Variants in FREM2 observed in about 807,000 individuals in gnomAD.
The protein encoded by FREM2 is FRAS1 related extracellular matrix 2.
In FREM2, 119 loss-of-function variants were observed where a neutral mutation model predicts 219.9. The ratio of observed to expected loss-of-function variants is 0.54; its 90% CI spans 0.47 to 0.63. The LOEUF (loss-of-function observed/expected upper bound fraction) is 0.63, where lower values mean the gene tolerates loss of function less well. Ranked by LOEUF, FREM2 falls within the 30% of genes least tolerant of loss-of-function variation. The pLI, the probability that FREM2 is intolerant of heterozygous loss-of-function variation, is 0.00. For missense variants in FREM2, 4,030 were observed against 3,993.6 expected, an observed-to-expected ratio of 1.01 and a Z score of -0.25; for synonymous variants, 1,562 against 1,522.8, an observed-to-expected ratio of 1.03 and a Z score of -0.60.
At position 38,808,169 on chromosome 13, in the gene FREM2, C is replaced by A. The variant is rs144545300; in HGVS notation, c.6019+23361C>A. On this transcript the variant is annotated intron_variant, in intron 6 of 23. Coordinates refer to ENST00000280481, the MANE Select transcript of FREM2 (RefSeq NM_207361.6). Reference sequence around the variant, plus strand: ...GAACCTCTGTTAGCTCCCAACTTTTCTTCTGAAGCTTCCTCGCCCCTCTCA... The same window carrying A: ...GAACCTCTGTTAGCTCCCAACTTTTATTCTGAAGCTTCCTCGCCCCTCTCA... 1.2e-3 allele frequency among the ~76,000 whole-genome samples: 189 copies of A among 152,092 alleles called. 1 individual carries two copies. Among genetic ancestry groups the A allele is most frequent in the African/African-American group, 4.2e-3 (175 of 41,554 alleles).
intron 5 of FREM2, 41 bp from the exon 6 acceptor site, chr13:38,784,516 A>G (rs1481970188): frequency 6.8e-6 from 11 of 1,609,900 alleles, no homozygotes; most frequent in Non-Finnish European, 8.5e-6. Context: ...TCTTTGTCTT[A>G]TGTTCTACAT....
chr13:38,744,377 A>G (rs955658465), intron 2 of FREM2, among the ~76,000 whole-genome samples: 1 of 151,348 alleles, frequency 6.6e-6, no homozygotes, highest in Non-Finnish European at 1.5e-5. Context: ...CACCCAGTTA[A>G]TTTTTTTGTA....
intron 3 of FREM2, among the ~76,000 whole-genome samples, chr13:38,768,569 G>A (rs1329039024): frequency 1.3e-5 from 2 of 152,112 alleles, no homozygotes; most frequent in Admixed American, 1.3e-4. Flanking sequence ...GAGCCACCAT[G>A]CCCAGCCTTA....
intron 2 of FREM2, among the ~76,000 whole-genome samples, chr13:38,719,251 G>A (rs573752691): frequency 2.6e-4 from 39 of 152,036 alleles, no homozygotes; most frequent in African/African-American, 7.0e-4. Flanking sequence ...ATGGAGTTTC[G>A]CTCTTGTTGC....
At chr13:38,767,011 A>G (rs1327080710) in intron 3 of FREM2, among the ~76,000 whole-genome samples, 2 of 152,238 alleles carry the variant, frequency 1.3e-5, no homozygotes, top group Non-Finnish European at 2.9e-5. Flanking sequence ...CTCCATGAGA[A>G]GAGTACCATG....
intron 15 of FREM2, among the ~76,000 whole-genome samples, chr13:38,863,629 G>T (rs574903117): frequency 6.6e-6 from 1 of 152,116 alleles, no homozygotes; most frequent in Non-Finnish European, 1.5e-5. Context: ...AAGATAACTG[G>T]ATTCTCTGCT....
intron 6 of FREM2, among the ~76,000 whole-genome samples, chr13:38,812,275 G>C (rs1426960082): frequency 6.6e-6 from 1 of 151,894 alleles, no homozygotes; most frequent in Non-Finnish European, 1.5e-5. Context: ...TTTATTGGAG[G>C]GTTTGGTCCA....
chr13:38,752,630 T>G (rs2137795871), intron 2 of FREM2, among the ~76,000 whole-genome samples: 1 of 152,364 alleles, frequency 6.6e-6, no homozygotes, highest in Middle Eastern at 3.4e-3. Flanking sequence ...TCTTATTAAC[T>G]GTCAGATGAA....
Position 38,689,165 on chromosome 13 carries a change from G to A in FREM2, c.1821G>A (p.Thr607=), listed in dbSNP as rs763026321. Residue 607 remains threonine, a synonymous_variant, in exon 1 of 24, where the codon ACG becomes ACA. Transcript: ENST00000280481. ...LFVLESPFLT[T]GHLLLRQTHP... Reference sequence around the variant, plus strand: ...TGCTGGAGTCACCCTTCTTAACTACGGGGCATCTGCTTCTCCGCCAAACTC... The same window carrying A: ...TGCTGGAGTCACCCTTCTTAACTACAGGGCATCTGCTTCTCCGCCAAACTC... 9 of 1,613,890 alleles carry A rather than the reference G, an allele frequency of 5.6e-6. No homozygotes were observed. The highest frequency in any genetic ancestry group is 5.5e-5 in the South Asian group (5 of 91,074).
chr13:38,752,404 A>T (rs946411360), intron 2 of FREM2, among the ~76,000 whole-genome samples: 11 of 152,208 alleles, frequency 7.2e-5, no homozygotes, highest in Non-Finnish European at 1.6e-4. Context: ...TTTAGATTTT[A>T]AAAACAATAA....
chr13:38,859,371 CG>C lies in FREM2; in HGVS notation c.7302del (p.Trp2435GlyfsTer2). On this transcript the variant is annotated frameshift_variant, in exon 14 of 24. Coordinates refer to ENST00000280481, the MANE Select transcript of FREM2 (RefSeq NM_207361.6). LOFTEE classifies it high-confidence loss of function. ...ENINDTLTRYRWLISAPAGPD... is the reference protein window; with the variant it reads ...ENINDTLTRYXWLISAPAGPD... ...CATCAATGACACTTTGACGCGGTAC[CG>C]GTGGCTGATTAGTGCACCTGCGGGC... The C allele has an allele frequency of 6.2e-7, 1 of 1,614,162 alleles. No individual in the cohort carries two copies. The highest frequency in any genetic ancestry group is 8.5e-7 in the Non-Finnish European group (1 of 1,180,002).
intron 6 of FREM2, among the ~76,000 whole-genome samples, chr13:38,799,269 G>A (rs2137848171): frequency 6.6e-6 from 1 of 151,710 alleles, no homozygotes; most frequent in South Asian, 2.1e-4. Flanking sequence ...ATTTGTATAG[G>A]TTCCAAAGTC....
At chr13:38,863,233 A>C (rs937164014) in intron 15 of FREM2, among the ~76,000 whole-genome samples, 1 of 152,042 alleles carries the variant, frequency 6.6e-6, no homozygotes, top group Admixed American at 6.6e-5. Context: ...CATTTTTAGT[A>C]GAGACGGGGT....
chr13:38,728,461 A>G (rs1438091521), intron 2 of FREM2, among the ~76,000 whole-genome samples: 1 of 152,014 alleles, frequency 6.6e-6, no homozygotes, highest in Non-Finnish European at 1.5e-5. Context: ...GCTGGAGTGC[A>G]GTGGTGTGAT....
chr13:38,846,521 T>G (rs1877158575), intron 6 of FREM2, 52 bp from the exon 7 acceptor site: 1 of 1,579,160 alleles, frequency 6.3e-7, no homozygotes, highest in South Asian at 1.1e-5. Context: ...CAATAGAGTT[T>G]GATGTGAAAA....
At chr13:38,754,399 G>T (rs544923185) in intron 2 of FREM2, among the ~76,000 whole-genome samples, 4 of 152,188 alleles carry the variant, frequency 2.6e-5, no homozygotes, top group African/African-American at 9.6e-5. Context: ...AAGCAAATTA[G>T]AATTAAGCTA....
intron 11 of FREM2, among the ~76,000 whole-genome samples, chr13:38,853,859 A>G (rs1387209306): frequency 6.6e-6 from 1 of 152,196 alleles, no homozygotes; most frequent in Admixed American, 6.6e-5. Flanking sequence ...AATATTGATA[A>G]CATGACTTTT....
intron 2 of FREM2, among the ~76,000 whole-genome samples, chr13:38,753,950 A>G (rs1389651453): frequency 1.5e-5 from 2 of 136,922 alleles, no homozygotes; most frequent in African/African-American, 5.3e-5. Flanking sequence ...CAAAATTAAC[A>G]CATTCTTTTT....
chr13:38,864,978 T>C (rs1877907238), intron 16 of FREM2, among the ~76,000 whole-genome samples: 1 of 151,368 alleles, frequency 6.6e-6, no homozygotes, highest in Admixed American at 6.6e-5. Flanking sequence ...TGTTGTATCA[T>C]GAGCCACCTA....
Sources: allele counts gnomAD v4.1 joint callset (sites outside exome capture counted in the v4.1 genomes callset), GRCh38; gene constraint gnomAD v4.1.1; transcripts MANE v1.5; gene names NCBI Gene and HGNC (gene_info 2026-07-23, HGNC 2026-07-21).